Variants in PDE10A observed in about 807,000 individuals in gnomAD.
PDE10A encodes the protein cAMP and cAMP-inhibited cGMP 3',5'-cyclic phosphodiesterase 10A.
PDE10A carries 39 observed loss-of-function variants against 97.7 expected under a neutral mutation model. The ratio of observed to expected loss-of-function variants is 0.40; its 90% confidence interval spans 0.31 to 0.52. PDE10A has a LOEUF of 0.52. Ranked by LOEUF, PDE10A falls within the 20% of genes least tolerant of loss-of-function variation. PDE10A has a pLI of 0.56. For missense variants in PDE10A, 731 were observed against 1,047.8 expected (o/e 0.70, Z 4.17); for synonymous variants, 371 against 376.8 (o/e 0.98, Z 0.18).
At chr6:165,864,649 G>A (rs941469422) in intron 1 of PDE10A, among the ~76,000 whole-genome samples, 1 of 152,132 alleles carries the variant, frequency 6.6e-6, no homozygotes, top group Non-Finnish European at 1.5e-5. Flanking sequence ...TTCCTCGAAA[G>A]CTATTTGGCA....
At chr6:165,588,755 G>A (rs900841781) in intron 1 of PDE10A, among the ~76,000 whole-genome samples, 10 of 152,078 alleles carry the variant, frequency 6.6e-5, no homozygotes, top group East Asian at 5.8e-4. Context: ...AGAAAACATG[G>A]GTTCTGGGAG....
At chr6:165,461,694 A>G (rs577062812) in intron 3 of PDE10A, among the ~76,000 whole-genome samples, 1 of 152,364 alleles carries the variant, frequency 6.6e-6, no homozygotes, top group Admixed American at 6.5e-5. Context: ...TACCTCTTCC[A>G]GGACCTTTGA....
At chr6:165,736,752 C>T (rs563538316) in intron 1 of PDE10A, among the ~76,000 whole-genome samples, 96 of 152,078 alleles carry the variant, frequency 6.3e-4, no homozygotes, top group African/African-American at 2.3e-3. Flanking sequence ...CTTCAAGGAA[C>T]TAAAAAAGAA....
chr6:165,379,232 G>A lies in PDE10A; in HGVS notation c.2745C>T (p.Tyr915=). The A allele has an allele frequency of 6.2e-7, 1 of 1,613,440 alleles. No individual in the cohort carries two copies. Among genetic ancestry groups the A allele is most frequent in the Non-Finnish European group, 8.5e-7 (1 of 1,179,580 alleles). The change falls in exon 18 of 22, where the codon TAC becomes TAT. Residue 915 remains tyrosine (Y), a synonymous_variant. Coordinates refer to ENST00000539869, the MANE Select transcript of PDE10A (RefSeq NM_001385079.1). ...TATTAAGGTTTAGTGATCCGGTCTG[G>A]TACATCTCTTCCAACTGCTTCCTGT... ...FGNRKQLEEM[Y]QTGSLNLNNQ...
At chr6:165,540,995 C>T (rs957378440) in intron 2 of PDE10A, among the ~76,000 whole-genome samples, 2 of 152,082 alleles carry the variant, frequency 1.3e-5, no homozygotes, top group African/African-American at 4.8e-5. Flanking sequence ...AGGGAGGAAG[C>T]CTGGTTTTTA....
At chr6:165,376,640 C>T (rs1047913007) in intron 18 of PDE10A, among the ~76,000 whole-genome samples, 1 of 152,180 alleles carries the variant, frequency 6.6e-6, no homozygotes, top group Non-Finnish European at 1.5e-5. Context: ...CCAGGCTGGG[C>T]ACAGCGGCTC....
At position 165,598,036 on chromosome 6, in the gene PDE10A, A is replaced by G. The variant is rs559028895; in HGVS notation, c.866-54468T>C. ...GCTTTGGTCTCTGCTCACCTGAGGC[A>G]CTCAATGCCACGAGTCAAGCCAACA... On this transcript the variant is annotated intron_variant, in intron 1 of 21. Transcript: ENST00000539869. 2.9e-4 allele frequency among the ~76,000 whole-genome samples: 44 copies of G among 152,328 alleles called. 1 individual carries two copies. The highest frequency in any genetic ancestry group is 9.4e-4 in the African/African-American group (39 of 41,568).
intron 1 of PDE10A, among the ~76,000 whole-genome samples, chr6:165,550,873 T>C (rs986120870): frequency 6.6e-6 from 1 of 152,158 alleles, no homozygotes; most frequent in African/African-American, 2.4e-5. Context: ...CAGCGTGAGA[T>C]GGTTTCATAT....
chr6:165,585,063 C>T (rs527311435), intron 1 of PDE10A, among the ~76,000 whole-genome samples: 1 of 152,326 alleles, frequency 6.6e-6, no homozygotes, highest in South Asian at 2.1e-4. Flanking sequence ...TATCATCTAA[C>T]ATAAGATGCA....
chr6:165,336,553 T>A (rs914484608), intron 20 of PDE10A, among the ~76,000 whole-genome samples: 6 of 151,788 alleles, frequency 4.0e-5, no homozygotes, highest in African/African-American at 1.2e-4. Flanking sequence ...ATCGAGACCA[T>A]CCTGGCTAAC....
intron 3 of PDE10A, among the ~76,000 whole-genome samples, chr6:165,480,251 G>T (rs1037990777): frequency 4.6e-5 from 7 of 152,142 alleles, no homozygotes; most frequent in African/African-American, 1.7e-4. Context: ...TGGCCATTTT[G>T]GGAGGCTGCT....
chr6:165,463,278 A>G (rs1778434156), intron 3 of PDE10A, among the ~76,000 whole-genome samples: 1 of 152,232 alleles, frequency 6.6e-6, no homozygotes, highest in Admixed American at 6.5e-5. Flanking sequence ...GGAGCTAAAC[A>G]TAAGGATTTG....
chr6:165,977,504 A>G (rs1363374330), intron 1 of PDE10A, among the ~76,000 whole-genome samples: 2 of 152,222 alleles, frequency 1.3e-5, no homozygotes, highest in African/African-American at 4.8e-5. Context: ...GAGAGGGATA[A>G]TTATATTTGT....
chr6:165,820,438 T>C (rs1359534597), intron 1 of PDE10A, among the ~76,000 whole-genome samples: 1 of 152,250 alleles, frequency 6.6e-6, no homozygotes, highest in African/African-American at 2.4e-5. Context: ...GAGTCCTATA[T>C]TTTGATTCCA....
rs192044110 is a variant in PDE10A, at chr6:165,936,710, A to G, written c.-615+50819T>C. Among the ~76,000 whole-genome samples, 292 of 152,318 alleles carry G rather than the reference A, an allele frequency of 1.9e-3. 3 individuals carry two copies. Among genetic ancestry groups the G allele is most frequent in the Non-Finnish European group, 2.0e-3 (135 of 68,024 alleles). Reference sequence around the variant, plus strand: ...AGGAAGATGGTGATTCTTAAATTTTAATGTAGGAGCAAGATTTGACCATGT... The same window carrying G: ...AGGAAGATGGTGATTCTTAAATTTTGATGTAGGAGCAAGATTTGACCATGT... On this transcript the variant is annotated intron_variant, in intron 1 of 19. Transcript: ENST00000366882.
At chr6:165,950,491 AG>A (rs758785562) in intron 1 of PDE10A, among the ~76,000 whole-genome samples, 1 of 152,052 alleles carries the variant, frequency 6.6e-6, no homozygotes, top group Non-Finnish European at 1.5e-5. Context: ...CCTGTTCCCT[AG>A]GAAGGACACC....
intron 1 of PDE10A, among the ~76,000 whole-genome samples, chr6:165,763,315 G>A (rs1029156006): frequency 2.0e-5 from 3 of 152,100 alleles, no homozygotes; most frequent in Non-Finnish European, 2.9e-5. Context: ...TTATGTTTGA[G>A]ATTCTGTGTT....
chr6:165,346,961 T>G (rs1255160135), intron 18 of PDE10A, among the ~76,000 whole-genome samples: 3 of 152,192 alleles, frequency 2.0e-5, no homozygotes, highest in Non-Finnish European at 4.4e-5. Context: ...AGGTGGGGGA[T>G]GTACAGTGGA....
chr6:165,607,293 C>T (rs1161936129), intron 1 of PDE10A, among the ~76,000 whole-genome samples: 3 of 152,102 alleles, frequency 2.0e-5, no homozygotes, highest in African/African-American at 7.2e-5. Context: ...GGTCAACAAG[C>T]GACCAAAGAT....
Sources: gnomAD v4.1 joint callset for allele counts (sites outside exome capture counted in the v4.1 genomes callset) on GRCh38, gnomAD v4.1.1 for gene constraint, MANE v1.5 for transcripts, NCBI Gene and HGNC (gene_info 2026-07-23, HGNC 2026-07-21) for gene names.